Variants in SCHIP1 observed in about 807,000 individuals in gnomAD.
SCHIP1 encodes schwannomin-interacting protein 1.
A neutral mutation model predicts 29.7 loss-of-function variants in SCHIP1; 8 were observed. The ratio of observed to expected loss-of-function variants is 0.27; its 90% confidence interval spans 0.16 to 0.49. The LOEUF (loss-of-function observed/expected upper bound fraction) is 0.49. Among genes scored for constraint, SCHIP1 ranks in the 20% least tolerant of loss-of-function variants. The pLI is 0.99. For missense variants in SCHIP1, 193 were observed against 294.6 expected, an observed-to-expected ratio of 0.66 and a Z score of 2.52; for synonymous variants, 76 against 94.9, an observed-to-expected ratio of 0.80 and a Z score of 1.16.
chr3:159,461,117 T>C, the SCHIP1 span, among the ~76,000 whole-genome samples: 1 of 152,160 alleles, frequency 6.6e-6, no homozygotes, highest in Non-Finnish European at 1.5e-5. Context: ...AGCACTCTGC[T>C]GGGCACATCA....
At chr3:159,467,611 A>C in the SCHIP1 span, among the ~76,000 whole-genome samples, 16 of 152,140 alleles carry the variant, frequency 1.1e-4, no homozygotes, top group Non-Finnish European at 2.2e-4. Flanking sequence ...GTACATAATT[A>C]GAAATAGTTA....
the SCHIP1 span, among the ~76,000 whole-genome samples, chr3:159,807,466 A>G: frequency 1.3e-5 from 2 of 152,192 alleles, no homozygotes; most frequent in Non-Finnish European, 2.9e-5. Flanking sequence ...TTCTGTAAAA[A>G]GATTAGCTGT....
At chr3:159,764,300 C>T in the SCHIP1 span, 12 of 981,950 alleles carry the variant, frequency 1.2e-5, no homozygotes, top group Admixed American at 3.3e-5. This position sits in a 1 kb window ranked among gnomAD's most constrained non-coding sequence, Gnocchi z 6.1. Flanking sequence ...GGTGCTGGCT[C>T]CCGCCCCCAG....
At chr3:159,498,202 C>T in the SCHIP1 span, among the ~76,000 whole-genome samples, 3 of 152,154 alleles carry the variant, frequency 2.0e-5, no homozygotes, top group South Asian at 4.1e-4. Context: ...AGCTCTATTT[C>T]GTTATTCTCA....
the SCHIP1 span, among the ~76,000 whole-genome samples, chr3:159,699,069 A>G: frequency 6.6e-6 from 1 of 152,150 alleles, no homozygotes; most frequent in South Asian, 2.1e-4. Context: ...GTTCTCTATT[A>G]ATTACCAAGA....
At chr3:159,498,785 G>A in the SCHIP1 span, among the ~76,000 whole-genome samples, 1 of 152,012 alleles carries the variant, frequency 6.6e-6, no homozygotes, top group African/African-American at 2.4e-5. Context: ...AGTAAATTAT[G>A]GTATAAACAT....
the SCHIP1 span, among the ~76,000 whole-genome samples, chr3:159,570,409 C>T: frequency 6.6e-6 from 1 of 152,180 alleles, no homozygotes; most frequent in Non-Finnish European, 1.5e-5. Context: ...AGAATCCTTT[C>T]CCCATTGCTT....
At chr3:159,814,678 T>C in the SCHIP1 span, among the ~76,000 whole-genome samples, 1 of 152,224 alleles carries the variant, frequency 6.6e-6, no homozygotes, top group African/African-American at 2.4e-5. Context: ...AAAGTGGGTG[T>C]GTAGCCCAGG....
chr3:159,404,123 A>C, the SCHIP1 span, among the ~76,000 whole-genome samples: 5 of 152,212 alleles, frequency 3.3e-5, no homozygotes, highest in Admixed American at 2.6e-4. Flanking sequence ...AATAATTAGT[A>C]GCAATAGCCA....
the SCHIP1 span, among the ~76,000 whole-genome samples, chr3:159,792,252 T>C: frequency 3.3e-5 from 5 of 152,144 alleles, no homozygotes; most frequent in Non-Finnish European, 7.4e-5. Flanking sequence ...CTCAAAGGTA[T>C]GGAGGCAGAG....
chr3:159,710,198 C>T, the SCHIP1 span, among the ~76,000 whole-genome samples: 9,122 of 152,200 alleles, frequency 0.06, 392 homozygotes, highest in Non-Finnish European at 0.083. Context: ...AAGTGACCAT[C>T]CACAGATGAA....
chr3:159,354,093 G>T, the SCHIP1 span, among the ~76,000 whole-genome samples: 23 of 152,202 alleles, frequency 1.5e-4, no homozygotes, highest in Non-Finnish European at 7.4e-5. Context: ...TTCCCATGAA[G>T]TTCTAAACAA....
chr3:159,678,710 G>C, the SCHIP1 span, among the ~76,000 whole-genome samples: 169 of 152,322 alleles, frequency 1.1e-3, no homozygotes, highest in Non-Finnish European at 1.4e-3. Flanking sequence ...GGAACTGCCT[G>C]AGTAATTTAT....
chr3:159,535,819 G>A, the SCHIP1 span, among the ~76,000 whole-genome samples: 1 of 152,136 alleles, frequency 6.6e-6, no homozygotes, highest in South Asian at 2.1e-4. Context: ...TATTATTTGT[G>A]TGTGTGTCTG....
At chr3:159,662,998 C>T in the SCHIP1 span, among the ~76,000 whole-genome samples, 3 of 152,320 alleles carry the variant, frequency 2.0e-5, no homozygotes, top group East Asian at 3.9e-4. Flanking sequence ...ATTGGAGCTA[C>T]GTTCTGGGGG....
the SCHIP1 span, among the ~76,000 whole-genome samples, chr3:159,602,803 T>A: frequency 6.6e-6 from 1 of 152,172 alleles, no homozygotes; most frequent in East Asian, 1.9e-4. Flanking sequence ...ATTATTTTCC[T>A]ATACTCTCAC....
At chr3:159,721,750 G>A in the SCHIP1 span, 7 of 443,980 alleles carry the variant, frequency 1.6e-5, no homozygotes, top group African/African-American at 8.3e-5. Flanking sequence ...CACGAAGGAC[G>A]TCTCACTGTC....
the SCHIP1 span, among the ~76,000 whole-genome samples, chr3:159,680,682 T>C: frequency 1.4e-5 from 1 of 69,578 alleles, no homozygotes; most frequent in Admixed American, 2.8e-4. Flanking sequence ...ATATATATAA[T>C]ATATGTATAT....
the SCHIP1 span, among the ~76,000 whole-genome samples, chr3:159,376,341 C>A: frequency 1.3e-5 from 2 of 152,106 alleles, no homozygotes; most frequent in Non-Finnish European, 2.9e-5. Context: ...TGTTTCTGGG[C>A]CAGTTCTGCA....
Sources: allele counts gnomAD v4.1 joint callset (sites outside exome capture counted in the v4.1 genomes callset), GRCh38; gene constraint gnomAD v4.1.1; non-coding constraint Gnocchi (gnomAD v3.1); transcripts MANE v1.5; gene names NCBI Gene and HGNC (gene_info 2026-07-23, HGNC 2026-07-21).